The following ESCO2 variants were observed in gnomAD, a reference collection of about 807,000 sequenced individuals.
ESCO2 encodes the protein N-acetyltransferase ESCO2.
In ESCO2, 51 loss-of-function variants were observed where a neutral mutation model predicts 61.7. That is an observed-to-expected ratio of 0.83 (90% CI 0.66 to 1.04). The LOEUF (loss-of-function observed/expected upper bound fraction) is 1.04. Among genes scored for constraint, ESCO2 ranks in the 50% least tolerant of loss-of-function variants. The pLI, the probability that ESCO2 is intolerant of heterozygous loss-of-function variation, is 0.00. For missense variants in ESCO2, 692 were observed against 686.2 expected, an observed-to-expected ratio of 1.01 and a Z score of -0.09; for synonymous variants, 230 against 238.2, an observed-to-expected ratio of 0.97 and a Z score of 0.32.
At chr8:27,780,022 AAT>A in intron 3 of ESCO2, 150 bp from the exon 4 acceptor site, 2 of 621,324 alleles carry the variant, frequency 3.2e-6, no homozygotes, top group Non-Finnish European at 5.7e-6. Flanking sequence ...TTTTCCTAAA[AAT>A]AGTTTGAAAA....
chr8:27,815,727 G>A (rs2128962036), downstream of ESCO2, among the ~76,000 whole-genome samples: 1 of 152,242 alleles, frequency 6.6e-6, no homozygotes, highest in Admixed American at 6.5e-5. Flanking sequence ...TTTGAGACTC[G>A]AACCACAAGT....
downstream of ESCO2, chr8:27,810,821 T>G (rs1280149380): frequency 2.0e-5 from 13 of 656,462 alleles, no homozygotes; most frequent in African/African-American, 3.6e-5. Context: ...TCAATCTATG[T>G]CTCATTTGTG....
chr8:27,787,269 T>TAAGTGAA (rs1202271054), intron 5 of ESCO2, among the ~76,000 whole-genome samples: 2 of 152,166 alleles, frequency 1.3e-5, no homozygotes, highest in Non-Finnish European at 2.9e-5. Flanking sequence ...AATCTCAACA[T>TAAGTGAA]TCTTTCATAA....
rs752992913 is a variant in ESCO2, at chr8:27,792,832, AT to A, written c.1497+23del. 4 of 1,549,402 alleles carry A rather than the reference AT, an allele frequency of 2.6e-6. No homozygotes were observed. In the Admixed American group the frequency reaches 8.3e-5, roughly 32 times the overall value. On this transcript the variant is annotated intron_variant, in intron 9 of 10. Coordinates refer to ENST00000305188, the MANE Select transcript of ESCO2 (RefSeq NM_001017420.3). ...AACAGGTATGGTATATTTGTTTTAA[AT>A]TATTGGCATAATTTGCAGGCAAAAT...
Position 27,776,601 on chromosome 8 carries a change from A to G in ESCO2, c.293A>G (p.Glu98Gly). The G allele has an allele frequency of 6.2e-7, 1 of 1,614,074 alleles. No individual in the cohort carries two copies. Among genetic ancestry groups the G allele is most frequent in the South Asian group, 1.1e-5 (1 of 91,078 alleles). ...NQNKWYLNPLERKLIKESRST... is the reference protein window; with the variant it reads ...NQNKWYLNPLGRKLIKESRST... ...AATAAGTGGTACCTCAATCCACTGG[A>G]GAGAAAGCTGATAAAAGAGAGTAGA... Residue 98 changes from glutamate to glycine, a missense_variant, in exon 3 of 11, where the codon GAG (glutamate) becomes GGG (glycine). Coordinates refer to ENST00000305188, the MANE Select transcript of ESCO2 (RefSeq NM_001017420.3).
intron 4 of ESCO2, among the ~76,000 whole-genome samples, chr8:27,782,396 G>A (rs933253346): frequency 6.6e-6 from 1 of 152,122 alleles, no homozygotes; most frequent in African/African-American, 2.4e-5. Flanking sequence ...CAAGTAGCTG[G>A]CATTACAGGT....
chr8:27,780,409 A>C (rs1804900807), intron 4 of ESCO2, 142 bp downstream of exon 4: 1 of 641,258 alleles, frequency 1.6e-6, no homozygotes, highest in Non-Finnish European at 2.8e-6. Flanking sequence ...TCTCTGTGAC[A>C]CTGTTTTCTG....
At chr8:27,783,960 T>G in intron 4 of ESCO2, 40 bp from the exon 5 acceptor site, 4 of 1,517,186 alleles carry the variant, frequency 2.6e-6, no homozygotes, top group Non-Finnish European at 3.7e-6. Context: ...GCTTTGATTT[T>G]ATTTGGTAAT....
intron 2 of ESCO2, among the ~76,000 whole-genome samples, chr8:27,775,997 G>A (rs558039181): frequency 6.6e-5 from 10 of 152,252 alleles, no homozygotes; most frequent in Admixed American, 2.0e-4. Context: ...AAAGCCCCAG[G>A]GGGTCAGTTC....
At chr8:27,795,723 T>C (rs1021773013) in intron 9 of ESCO2, among the ~76,000 whole-genome samples, 1 of 152,214 alleles carries the variant, frequency 6.6e-6, no homozygotes, top group Non-Finnish European at 1.5e-5. Flanking sequence ...CATGAAAGGA[T>C]GTTGGATGCC....
At chr8:27,807,751 A>G (rs879580668), downstream of ESCO2, among the ~76,000 whole-genome samples, 13 of 152,172 alleles carry the variant, frequency 8.5e-5, no homozygotes, top group Non-Finnish European at 1.9e-4. Flanking sequence ...TATGGTCTGA[A>G]TGTGTTCTAC....
At chr8:27,811,083 T>G (rs1332030591), downstream of ESCO2, 3 of 1,613,498 alleles carry the variant, frequency 1.9e-6, no homozygotes, top group Non-Finnish European at 2.5e-6. Flanking sequence ...CTCCACAGCT[T>G]CTTTGGGTTT....
intron 7 of ESCO2, among the ~76,000 whole-genome samples, chr8:27,790,603 A>C (rs1215206100): frequency 6.6e-6 from 1 of 152,148 alleles, no homozygotes; most frequent in Non-Finnish European, 1.5e-5. Context: ...TGGTTTCTTA[A>C]GTCAGGAACA....
intron 3 of ESCO2, 175 bp downstream of exon 3, chr8:27,777,344 G>C: frequency 1.7e-6 from 1 of 584,878 alleles, no homozygotes; most frequent in Non-Finnish European, 2.7e-6. Context: ...CTTTCTTTAT[G>C]ACCCAGGCTG....
chr8:27,814,459 CT>C (rs1420365898), downstream of ESCO2, among the ~76,000 whole-genome samples: 1 of 151,952 alleles, frequency 6.6e-6, no homozygotes, highest in Non-Finnish European at 1.5e-5. Flanking sequence ...ATTTCATTAT[CT>C]TTTCAAATAA....
At chr8:27,813,901 TATG>T (rs1563488246), downstream of ESCO2, among the ~76,000 whole-genome samples, 1 of 151,120 alleles carries the variant, frequency 6.6e-6, no homozygotes, top group Admixed American at 6.6e-5. Context: ...GATATTGGAC[TATG>T]ATTTTTTTTT....
upstream of ESCO2, chr8:27,772,168 A>C (rs535474499): frequency 1.8e-5 from 7 of 397,072 alleles, no homozygotes; most frequent in Non-Finnish European, 2.8e-5. Flanking sequence ...CGCAGATGGA[A>C]GGTGGGAAGA....
intron 7 of ESCO2, among the ~76,000 whole-genome samples, chr8:27,790,246 G>C (rs1029207931): frequency 1.3e-5 from 2 of 151,996 alleles, no homozygotes; most frequent in African/African-American, 4.8e-5. Flanking sequence ...AAACATACTG[G>C]GCATGTTATC....
intron 10 of ESCO2, 27 bp from the exon 11 acceptor site, chr8:27,803,279 A>G: frequency 6.2e-7 from 1 of 1,606,250 alleles, no homozygotes; most frequent in South Asian, 1.1e-5. Flanking sequence ...TGCTTCCATC[A>G]TTAAATCATC....
Sources: allele counts gnomAD v4.1 joint callset (sites outside exome capture counted in the v4.1 genomes callset), GRCh38; gene constraint gnomAD v4.1.1; transcripts MANE v1.5; gene names NCBI Gene and HGNC (gene_info 2026-07-23, HGNC 2026-07-21).